Variants in RPH3A observed in about 807,000 individuals in gnomAD.
The protein encoded by RPH3A is rabphilin 3A.
RPH3A carries 48 observed loss-of-function variants against 102.2 expected under a neutral mutation model. That is an observed-to-expected ratio of 0.47 (90% CI 0.37 to 0.60). The LOEUF (loss-of-function observed/expected upper bound fraction) is 0.60. Among genes scored for constraint, RPH3A ranks in the 20% least tolerant of loss-of-function variants. RPH3A has a pLI of 0.00. For missense variants in RPH3A, 781 were observed against 910.1 expected (o/e 0.86, Z 1.83); for synonymous variants, 310 against 324.3 (o/e 0.96, Z 0.47).
At chr12:112,712,283 G>T (rs1343931678) in intron 1 of RPH3A, among the ~76,000 whole-genome samples, 1 of 152,150 alleles carries the variant, frequency 6.6e-6, no homozygotes, top group African/African-American at 2.4e-5. Context: ...TTATTCATAA[G>T]TAAGATTTAT....
chr12:112,651,194 T>TA (rs903202001), intron 1 of RPH3A, among the ~76,000 whole-genome samples: 52 of 151,112 alleles, frequency 3.4e-4, no homozygotes, highest in African/African-American at 7.5e-4. Context: ...ACCCCGTTCC[T>TA]AAAAAAAACA....
intron 4 of RPH3A, among the ~76,000 whole-genome samples, chr12:112,841,707 G>GTTTTTTTTTT (rs761403652): frequency 2.8e-5 from 4 of 145,060 alleles, no homozygotes; most frequent in Admixed American, 6.8e-5. Context: ...TGTTTTTTTG[G>GTTTTTTTTTT]TTTTTTTTTT....
At chr12:112,727,498 C>CCA (rs2040602323) in intron 1 of RPH3A, among the ~76,000 whole-genome samples, 1 of 96,004 alleles carries the variant, frequency 1.0e-5, no homozygotes, top group South Asian at 4.8e-4. Context: ...CACAGACCCC[C>CCA]CCCCCCCACA....
At chr12:112,689,270 C>A (rs1226929568) in intron 1 of RPH3A, among the ~76,000 whole-genome samples, 3 of 152,112 alleles carry the variant, frequency 2.0e-5, no homozygotes, top group African/African-American at 7.2e-5. Flanking sequence ...AACAGGAGAG[C>A]CCATGCCCTA....
intron 1 of RPH3A, among the ~76,000 whole-genome samples, chr12:112,647,048 A>G (rs1325795355): frequency 1.3e-5 from 2 of 152,214 alleles, no homozygotes; most frequent in African/African-American, 4.8e-5. Context: ...AGAGCGCAGA[A>G]CAGCTAAGAA....
intron 3 of RPH3A, chr12:112,831,617 A>T: frequency 3.7e-6 from 1 of 271,626 alleles, no homozygotes; most frequent in Non-Finnish European, 7.3e-6. Context: ...ATCTTCCTGA[A>T]TCTTGGTGCT....
chr12:112,802,561 G>T (rs773308752), intron 2 of RPH3A, among the ~76,000 whole-genome samples: 10 of 152,094 alleles, frequency 6.6e-5, no homozygotes, highest in Non-Finnish European at 1.0e-4. Context: ...GTGAGTGTGT[G>T]TATGTGGTGC....
intron 1 of RPH3A, among the ~76,000 whole-genome samples, chr12:112,593,889 T>G (rs998313434): frequency 1.3e-5 from 2 of 152,202 alleles, no homozygotes; most frequent in Non-Finnish European, 2.9e-5. Flanking sequence ...CTAGACTGGA[T>G]TAGTTGTCAC....
At chr12:112,846,356 C>T (rs1376047923) in intron 4 of RPH3A, among the ~76,000 whole-genome samples, 3 of 152,188 alleles carry the variant, frequency 2.0e-5, no homozygotes, top group South Asian at 2.1e-4. Flanking sequence ...TCCAAGGGCA[C>T]GCGTGGGAAG....
intron 1 of RPH3A, among the ~76,000 whole-genome samples, chr12:112,609,051 T>C (rs233714): frequency 0.22 from 33,103 of 152,162 alleles, 3,734 homozygotes; most frequent in South Asian, 0.3. Flanking sequence ...AGTGATCTCA[T>C]TGGACGATGC....
At chr12:112,840,797 G>A (rs1283678266) in intron 4 of RPH3A, among the ~76,000 whole-genome samples, 1 of 152,012 alleles carries the variant, frequency 6.6e-6, no homozygotes, top group African/African-American at 2.4e-5. Flanking sequence ...CCAATTCCCC[G>A]CTTCCACCTC....
At chr12:112,706,869 C>T (rs2040430520) in intron 1 of RPH3A, among the ~76,000 whole-genome samples, 1 of 152,032 alleles carries the variant, frequency 6.6e-6, no homozygotes, top group African/African-American at 2.4e-5. Context: ...GGTGTAGAGG[C>T]CTTCTAGTGA....
At chr12:112,725,672 G>A (rs2040583286) in intron 1 of RPH3A, among the ~76,000 whole-genome samples, 2 of 152,124 alleles carry the variant, frequency 1.3e-5, no homozygotes, top group African/African-American at 2.4e-5. Context: ...ATTGGTTCAG[G>A]GAGAGACCCG....
chr12:112,883,227 C>T lies in RPH3A; in HGVS notation c.1327-66C>T, dbSNP rs910673385. 84 of 1,279,328 alleles carry T rather than the reference C, an allele frequency of 6.6e-5. 1 individual carries two copies. Among genetic ancestry groups the T allele is most frequent in the South Asian group, 9.9e-5 (8 of 80,444 alleles). The allele number at this position is 1,279,328 out of a possible 1,614,324, so 79.2% of individuals were successfully genotyped here. ...CCCACCCACCCCACGTCAGCCCAAA[C>T]GATGGGGTTCCAGGACTGGCTCCCC... On this transcript the variant is annotated intron_variant, in intron 15 of 21. Transcript: ENST00000389385.
intron 1 of RPH3A, among the ~76,000 whole-genome samples, chr12:112,663,721 A>T (rs1345284857): frequency 6.6e-6 from 1 of 152,102 alleles, no homozygotes; most frequent in Non-Finnish European, 1.5e-5. Flanking sequence ...TGTCATTCAA[A>T]ATCAGGAGTC....
At chr12:112,873,867 G>A (rs4767021) in intron 10 of RPH3A, 47,459 of 152,134 alleles carry the variant, frequency 0.31, 8,296 homozygotes, top group East Asian at 0.5. Flanking sequence ...CTGTGACTGG[G>A]CTGTGCACTC....
intron 1 of RPH3A, among the ~76,000 whole-genome samples, chr12:112,693,984 C>T (rs2040327021): frequency 6.6e-6 from 1 of 152,210 alleles, no homozygotes; most frequent in Non-Finnish European, 1.5e-5. Flanking sequence ...CTTGCAATGG[C>T]TTTCTAACTG....
chr12:112,648,315 A>G (rs890174812), intron 1 of RPH3A, among the ~76,000 whole-genome samples: 13 of 152,122 alleles, frequency 8.5e-5, no homozygotes, highest in African/African-American at 2.9e-4. Context: ...AGTGGAATGT[A>G]CTTATTTCCC....
chr12:112,703,006 A>T (rs890833565), intron 1 of RPH3A, among the ~76,000 whole-genome samples: 2 of 152,310 alleles, frequency 1.3e-5, no homozygotes, highest in South Asian at 4.1e-4. Context: ...GCTCTAGCCA[A>T]CAGAATGACT....
Sources: allele counts gnomAD v4.1 joint callset (sites outside exome capture counted in the v4.1 genomes callset), GRCh38; gene constraint gnomAD v4.1.1; transcripts MANE v1.5; gene names NCBI Gene and HGNC (gene_info 2026-07-23, HGNC 2026-07-21).